TNFSF14: variants seen among roughly 807,000 people sequenced by gnomAD.
The protein encoded by TNFSF14 is tumor necrosis factor ligand superfamily member 14.
In TNFSF14, 15 loss-of-function variants were observed where a neutral mutation model predicts 22.7. The observed-to-expected ratio is 0.66, with a 90% CI of 0.44 to 1.02. TNFSF14 has a LOEUF of 1.02. TNFSF14 is among the 50% of genes least tolerant of loss of function. The pLI, the probability that TNFSF14 is intolerant of heterozygous loss-of-function variation, is 0.00. For synonymous variants in TNFSF14, 133 were observed against 139.6 expected (o/e 0.95, Z 0.33); for missense variants, 287 against 326.2 (o/e 0.88, Z 0.93).
rs1030116359 is a variant in TNFSF14 at position 6,664,631 on chromosome 19, C to T, written c.*295G>A. 14 of 226,734 alleles carry T rather than the reference C, an allele frequency of 6.2e-5. No individual in the cohort carries two copies. Among genetic ancestry groups the T allele is most frequent in the African/African-American group, 2.1e-4 (9 of 43,586 alleles). 14.0% of individuals were successfully genotyped at this position (226,734 alleles called of 1,614,324 possible). Reference sequence around the variant, plus strand: ...TCGGCTCACTGCAACCTCCGCCTCCCGGGTTTAAGCAAAATTATCCTGCCT... The same window carrying T: ...TCGGCTCACTGCAACCTCCGCCTCCTGGGTTTAAGCAAAATTATCCTGCCT... On this transcript the variant is annotated 3_prime_UTR_variant, in exon 4 of 4. Coordinates refer to ENST00000675206, the MANE Select transcript of TNFSF14 (RefSeq NM_001376887.1). This position sits in a 1 kb window ranked among gnomAD's most constrained non-coding sequence, Gnocchi z 4.7.
At chr19:6,666,552 C>T (rs1000855338) in intron 3 of TNFSF14, among the ~76,000 whole-genome samples, 2 of 152,108 alleles carry the variant, frequency 1.3e-5, no homozygotes, top group African/African-American at 2.4e-5. Flanking sequence ...ATGTAGAAAG[C>T]GTGTCACAGC....
At position 6,665,319 on chromosome 19, in the gene TNFSF14, C is replaced by T. The variant is rs1177581881; in HGVS notation, c.330G>A (p.Gly110=). The T allele has an allele frequency of 2.5e-6, 4 of 1,596,946 alleles. No homozygotes were observed. Among genetic ancestry groups the T allele is most frequent in the East Asian group, 2.3e-5 (1 of 44,410 alleles). ...GANSSLTGSG[G]PLLWETQLGL... ...CCAGCTGAGTCTCCCATAACAGCGGCCCCCCGCTGCCGGTCAAGCTGGAGT... is the reference window on the plus strand; with the variant it reads ...CCAGCTGAGTCTCCCATAACAGCGGTCCCCCGCTGCCGGTCAAGCTGGAGT... Residue 110 remains glycine (G), a synonymous_variant, in exon 4 of 4, where the codon GGG becomes GGA. Transcript: ENST00000675206.
At position 6,667,174 on chromosome 19, in the gene TNFSF14, G is replaced by A. The variant is rs533676724; in HGVS notation, c.257-20C>T. ...TTCGCTCTGGGGAAAGAGGGTCAGA[G>A]GTTAGAGACGAAGACAGTGGAGGTA... On this transcript the variant is annotated intron_variant, in intron 2 of 3. Transcript: ENST00000675206. 9 of 1,574,754 alleles carry A rather than the reference G, an allele frequency of 5.7e-6. No individual in the cohort carries two copies. The African/African-American group carries it at 8.3e-5, about 14-fold the overall frequency.
rs902203961 is a variant in TNFSF14, at chr19:6,665,408, CTTGT to C, written c.299-62_299-59del. On this transcript the variant is annotated intron_variant, in intron 3 of 3. Coordinates refer to ENST00000675206, the MANE Select transcript of TNFSF14 (RefSeq NM_001376887.1). ...GGTCAGCACATGTCTTCCTCTGTTGCTTGTTTGTTTGTTTGTTTGACACAGAGTC... is the reference window on the plus strand; with the variant it reads ...GGTCAGCACATGTCTTCCTCTGTTGCTTGTTTGTTTGTTTGACACAGAGTC... The C allele has an allele frequency of 3.0e-4, 426 of 1,441,532 alleles. 2 individuals are homozygous for C. In the East Asian group the frequency reaches 4.5e-3, roughly 15 times the overall value. 89.3% of individuals were successfully genotyped at this position (1,441,532 alleles called of 1,614,324 possible). A position where few individuals can be genotyped will look rare whatever the true frequency, so the allele number is the denominator to read the frequency against.
In TNFSF14 at chr19:6,663,334, GT is replaced by G. The variant is rs1238339321; in HGVS notation, c.*1591del. The G allele has an allele frequency of 7.0e-5, 10 of 143,124 alleles. No homozygotes were observed. The highest frequency in any genetic ancestry group is 2.2e-4 in the African/African-American group (9 of 40,984). The allele number at this position is 143,124 out of a possible 1,614,324, so 8.9% of individuals were successfully genotyped here. On this transcript the variant is annotated 3_prime_UTR_variant, in exon 4 of 4. Transcript: ENST00000675206. ...TGTGTGTGTCATTGTGATGTTGTGT[GT>G]GTGTAATGTTGTGTTTGTCATTGTG...
Position 6,670,127 on chromosome 19 carries a change from C to A in TNFSF14, c.-58G>T. The A allele has an allele frequency of 6.3e-7, 1 of 1,594,796 alleles. No individual in the cohort carries two copies. The highest frequency in any genetic ancestry group is 1.1e-5 in the South Asian group (1 of 90,122). On this transcript the variant is annotated 5_prime_UTR_variant, in exon 1 of 4. Coordinates refer to ENST00000675206, the MANE Select transcript of TNFSF14 (RefSeq NM_001376887.1). ...TGGGTCCTTCAACCTCAGAGGAAAC[C>A]GAAATTGCTCAACACTCCTGGGCTG...
In TNFSF14 at chr19:6,670,117, C is replaced by T. The variant is rs530847329; in HGVS notation, c.-48G>A. The T allele has an allele frequency of 1.9e-6, 3 of 1,599,874 alleles. No individual in the cohort carries two copies. The East Asian group carries it at 6.8e-5, about 36-fold the overall frequency. ...CTGACACGCCTGGGTCCTTCAACCT[C>T]AGAGGAAACCGAAATTGCTCAACAC... On this transcript the variant is annotated 5_prime_UTR_variant, in exon 1 of 4. Transcript: ENST00000675206.
At position 6,663,911 on chromosome 19, in the gene TNFSF14, T is replaced by C. The variant is rs1447568519; in HGVS notation, c.*1015A>G. On this transcript the variant is annotated 3_prime_UTR_variant, in exon 4 of 4. Transcript: ENST00000675206. ...GGATGCCGGGGACAGATCCGTGGTG[T>C]CCTATTAGGGATGTCTATGCTTGGC... The C allele has an allele frequency of 6.6e-6, 1 of 152,198 alleles. No homozygotes were observed. Among genetic ancestry groups the C allele is most frequent in the African/African-American group, 2.4e-5 (1 of 41,440 alleles). The allele number at this position is 152,198 out of a possible 1,614,324, so 9.4% of individuals were successfully genotyped here.
At chr19:6,670,290 T>G, upstream of TNFSF14, 1 of 1,401,572 alleles carries the variant, frequency 7.1e-7, no homozygotes, top group East Asian at 2.6e-5. Context: ...TCATACAGAC[T>G]CTCACACTTT....
intron 1 of TNFSF14, among the ~76,000 whole-genome samples, chr19:6,667,689 A>G (rs1258865257): frequency 1.3e-5 from 2 of 152,216 alleles, no homozygotes; most frequent in Non-Finnish European, 2.9e-5. Context: ...CTTGGCGTTT[A>G]ATGAATTCAC....
rs144111500 is a variant in TNFSF14, at chr19:6,669,903, C to T, written c.167G>A (p.Trp56Ter). Reference protein sequence around the residue: ...LMGAGLAVQGWFLLQLHWRLG... With the variant: ...LMGAGLAVQG ...ACGCCAGTGCAGCTGCAGGAGGAAC[C>T]AGCCTTGGACGGCCAGCCCGGCCCC... The change falls in exon 1 of 4, where the codon TGG becomes TAG. Residue 56 changes from tryptophan to a stop codon, truncating the protein, a stop_gained. Transcript: ENST00000675206. LOFTEE classifies it high-confidence loss of function. The T allele has an allele frequency of 1.2e-6, 2 of 1,613,794 alleles. No homozygotes were observed. The highest frequency in any genetic ancestry group is 1.7e-6 in the Non-Finnish European group (2 of 1,180,000).
intron 1 of TNFSF14, 92 bp downstream of exon 1, chr19:6,669,759 C>T: frequency 1.3e-6 from 2 of 1,537,680 alleles, no homozygotes; most frequent in African/African-American, 1.4e-5. Context: ...CACACACACA[C>T]ACACACACAC....
rs1326734426 is a variant in TNFSF14, at chr19:6,661,847, T to C, written c.*3079A>G. ...TATTCAACACAGAAGTACCTAACAG[T>C]AAAAGATGAGAGATACCTATCTGGC... On this transcript the variant is annotated 3_prime_UTR_variant, in exon 4 of 4. Coordinates refer to ENST00000675206, the MANE Select transcript of TNFSF14 (RefSeq NM_001376887.1). The C allele has an allele frequency of 6.6e-6, 1 of 152,150 alleles. No individual in the cohort carries two copies. The highest frequency in any genetic ancestry group is 1.9e-4 in the East Asian group (1 of 5,194). The allele number at this position is 152,150 out of a possible 1,614,324, so 9.4% of individuals were successfully genotyped here.
chr19:6,667,089 G>T (rs1438412469), intron 3 of TNFSF14, 24 bp downstream of exon 3: 2 of 1,609,380 alleles, frequency 1.2e-6, no homozygotes, highest in African/African-American at 2.7e-5. Flanking sequence ...CCTGCCCCTT[G>T]CCAGGATCCA....
intron 1 of TNFSF14, among the ~76,000 whole-genome samples, chr19:6,668,187 C>A (rs1306021785): frequency 2.0e-5 from 3 of 151,662 alleles, no homozygotes; most frequent in Non-Finnish European, 4.4e-5. Context: ...CACAACAAGA[C>A]CTCATCTCTA....
At position 6,663,341 on chromosome 19, in the gene TNFSF14, ATGT is replaced by A. The variant is rs138591245; in HGVS notation, c.*1582_*1584del. On this transcript the variant is annotated 3_prime_UTR_variant, in exon 4 of 4. Coordinates refer to ENST00000675206, the MANE Select transcript of TNFSF14 (RefSeq NM_001376887.1). ...GTCATTGTGATGTTGTGTGTGTGTAATGTTGTGTTTGTCATTGTGATGTGTGTG... is the reference window on the plus strand; with the variant it reads ...GTCATTGTGATGTTGTGTGTGTGTAATGTGTTTGTCATTGTGATGTGTGTG... 30,863 of 149,098 alleles carry A rather than the reference ATGT, an allele frequency of 0.21. 3,983 individuals carry two copies. Among genetic ancestry groups the A allele is most frequent in the East Asian group, 0.53 (2,672 of 5,062 alleles). The allele number at this position is 149,098 out of a possible 1,614,324, so 9.2% of individuals were successfully genotyped here. A position where few individuals can be genotyped will look rare whatever the true frequency, so the allele number is the denominator to read the frequency against.
At chr19:6,667,518 T>C in intron 1 of TNFSF14, 69 bp from the exon 2 acceptor site, 1 of 1,528,936 alleles carries the variant, frequency 6.5e-7, no homozygotes, top group Non-Finnish European at 8.7e-7. Flanking sequence ...TGCTCACACA[T>C]GGCTATGAGA....
In TNFSF14 at chr19:6,665,354, T is replaced by C. The variant is rs939422696; in HGVS notation, c.299-4A>G. ...CCGGTCAAGCTGGAGTTGGCCCCTG[T>C]TGGGAAGAGAGAGACAAAGGGGGCT... On this transcript the variant is annotated splice_polypyrimidine_tract_variant and splice_region_variant and intron_variant, in intron 3 of 3. Coordinates refer to ENST00000675206, the MANE Select transcript of TNFSF14 (RefSeq NM_001376887.1). 3 of 1,554,682 alleles carry C rather than the reference T, an allele frequency of 1.9e-6. No individual in the cohort carries two copies. Among genetic ancestry groups the C allele is most frequent in the Non-Finnish European group, 1.7e-6 (2 of 1,151,734 alleles).
In TNFSF14 at chr19:6,664,195, T is replaced by A. The variant is rs1599484352; in HGVS notation, c.*731A>T. 1 of 152,128 alleles carries A rather than the reference T, an allele frequency of 6.6e-6. No homozygotes were observed. Among genetic ancestry groups the A allele is most frequent in the East Asian group, 1.9e-4 (1 of 5,188 alleles). The allele number at this position is 152,128 out of a possible 1,614,324, so 9.4% of individuals were successfully genotyped here. A position where few individuals can be genotyped will look rare whatever the true frequency, so the allele number is the denominator to read the frequency against. On this transcript the variant is annotated 3_prime_UTR_variant, in exon 4 of 4. Coordinates refer to ENST00000675206, the MANE Select transcript of TNFSF14 (RefSeq NM_001376887.1). The surrounding 1 kb of genome is among the most constrained non-coding windows in gnomAD (Gnocchi z 4.7). Reference sequence around the variant, plus strand: ...CTCCCGCCCACCCTGTCCGTACTCATGATGAGAGTAGGGAAGTGGATGAAG... The same window carrying A: ...CTCCCGCCCACCCTGTCCGTACTCAAGATGAGAGTAGGGAAGTGGATGAAG...
Sources: gnomAD v4.1 joint callset for allele counts (sites outside exome capture counted in the v4.1 genomes callset) on GRCh38, gnomAD v4.1.1 for gene constraint, Gnocchi (gnomAD v3.1) non-coding constraint, MANE v1.5 for transcripts, NCBI Gene and HGNC (gene_info 2026-07-23, HGNC 2026-07-21) for gene names.